TLN1: variants seen among roughly 807,000 people sequenced by gnomAD.
The protein encoded by TLN1 is talin-1.
A neutral mutation model predicts 292.3 loss-of-function variants in TLN1; 56 were observed. The observed-to-expected ratio is 0.19, with a 90% CI of 0.15 to 0.24. The LOEUF (loss-of-function observed/expected upper bound fraction) is 0.24. Ranked by LOEUF, TLN1 falls within the 10% of genes least tolerant of loss-of-function variation. The pLI is 1.00. For missense variants in TLN1, 2,433 were observed against 3,248.2 expected (o/e 0.75, Z 6.10); for synonymous variants, 1,119 against 1,253.7 (o/e 0.89, Z 2.27).
At position 35,698,080 on chromosome 9, in the gene TLN1, C is replaced by T; in HGVS notation, c.7464G>A (p.Val2488=). 6.2e-7 allele frequency: 1 copy of T among 1,614,158 alleles called. No individual in the cohort carries two copies. The highest frequency in any genetic ancestry group is 8.5e-7 in the Non-Finnish European group (1 of 1,180,032). Residue 2488 remains valine, a synonymous_variant, in exon 56 of 57, where the codon GTG becomes GTA. Coordinates refer to ENST00000314888, the MANE Select transcript of TLN1 (RefSeq NM_006289.4). The surrounding 1 kb of genome is among the most constrained non-coding windows in gnomAD (Gnocchi z 5.3). The part of the protein sequence containing the change: ...AAFEEQENET[V]VVKEKMVGGI... ...CGCCAACCATCTTCTCTTTCACCAC[C>T]ACTGTCTCATTCTCCTGCTCTTCAA...
rs1432439168 is a variant in TLN1 at position 35,721,693 on chromosome 9, G to C, written c.1059C>G (p.Leu353=). 1.2e-6 allele frequency: 2 copies of C among 1,614,010 alleles called. No homozygotes were observed. The highest frequency in any genetic ancestry group is 2.2e-5 in the East Asian group (1 of 44,900). ...ACGCAGCCCAGCGTTTGATGTTGGT[G>C]AGGTTCCACTCCTGGATCACTTCCT... ...KTKEVIQEWN[L]TNIKRWAASP... Residue 353 remains leucine, a synonymous_variant, in exon 10 of 57, where the codon CTC becomes CTG. Coordinates refer to ENST00000314888, the MANE Select transcript of TLN1 (RefSeq NM_006289.4).
At chr9:35,710,432 C>A (rs937695646) in intron 33 of TLN1, 129 bp downstream of exon 33, 3 of 1,352,484 alleles carry the variant, frequency 2.2e-6, no homozygotes, top group Non-Finnish European at 3.0e-6. Flanking sequence ...AGGAGGAGGA[C>A]AACCCAGATT....
At chr9:35,718,775 G>T in intron 17 of TLN1, 37 bp downstream of exon 17, 1 of 1,575,258 alleles carries the variant, frequency 6.3e-7, no homozygotes, top group Non-Finnish European at 8.7e-7. Context: ...TTACTTCCTA[G>T]ATTCTGGGGT....
Position 35,724,483 on chromosome 9 carries a change from G to A in TLN1, c.511+89C>T. On this transcript the variant is annotated intron_variant, in intron 5 of 56. Transcript: ENST00000314888. This position sits in a 1 kb window ranked among gnomAD's most constrained non-coding sequence, Gnocchi z 4.7. ...GTTTTCTCACTGATGTATCCCCAGG[G>A]TGTAAAACAGTGCCTGGCAGAAGCA... 1.3e-6 allele frequency: 2 copies of A among 1,566,948 alleles called. No individual in the cohort carries two copies. Among genetic ancestry groups the A allele is most frequent in the Middle Eastern group, 1.7e-4 (1 of 5,832 alleles).
Position 35,697,687 on chromosome 9 carries a change from G to C in TLN1, c.*104C>G. ...GCCCTGGGGTTTGGCAGGCACTTTG[G>C]GGAGTGCTGGGGTTGGGCAGGTTGG... On this transcript the variant is annotated 3_prime_UTR_variant, in exon 57 of 57. Coordinates refer to ENST00000314888, the MANE Select transcript of TLN1 (RefSeq NM_006289.4). The C allele has an allele frequency of 7.3e-6, 11 of 1,508,876 alleles. No homozygotes were observed. Among genetic ancestry groups the C allele is most frequent in the East Asian group, 2.3e-5 (1 of 44,190 alleles). The allele number at this position is 1,508,876 out of a possible 1,614,324, so 93.5% of individuals were successfully genotyped here.
Position 35,707,945 on chromosome 9 carries a change from C to T in TLN1, c.4471-53G>A. 6.3e-7 allele frequency: 1 copy of T among 1,590,008 alleles called. No individual in the cohort carries two copies. The highest frequency in any genetic ancestry group is 8.6e-7 in the Non-Finnish European group (1 of 1,163,512). Reference sequence around the variant, plus strand: ...TGAGGGCAGGAAGGAGGTGTACATACCCAAGGAGGAGCCATTTTAGGGTCA... The same window carrying T: ...TGAGGGCAGGAAGGAGGTGTACATATCCAAGGAGGAGCCATTTTAGGGTCA... On this transcript the variant is annotated intron_variant, in intron 34 of 56. Transcript: ENST00000314888. The surrounding 1 kb of genome is among the most constrained non-coding windows in gnomAD (Gnocchi z 5.6).
Position 35,699,905 on chromosome 9 carries a change from G to C in TLN1, c.6768+69C>G, listed in dbSNP as rs546429149. On this transcript the variant is annotated intron_variant, in intron 50 of 56. Coordinates refer to ENST00000314888, the MANE Select transcript of TLN1 (RefSeq NM_006289.4). The surrounding 1 kb of genome is among the most constrained non-coding windows in gnomAD (Gnocchi z 4.0). Reference sequence around the variant, plus strand: ...CTGAGCAAAACAGACAGCAGGGTGCGAGGCCTGCAGGAAGAGGGCTGTGTA... The same window carrying C: ...CTGAGCAAAACAGACAGCAGGGTGCCAGGCCTGCAGGAAGAGGGCTGTGTA... 4.7e-6 allele frequency: 7 copies of C among 1,479,290 alleles called. No homozygotes were observed. The highest frequency in any genetic ancestry group is 6.5e-6 in the Non-Finnish European group (7 of 1,079,894). 91.6% of individuals were successfully genotyped at this position (1,479,290 alleles called of 1,614,324 possible). A position where few individuals can be genotyped will look rare whatever the true frequency, so the allele number is the denominator to read the frequency against.
Position 35,700,246 on chromosome 9 carries a change from A to G in TLN1, c.6605T>C (p.Ile2202Thr). The change falls in exon 49 of 57, where the codon ATT becomes ACT. Residue 2202 changes from isoleucine (I) to threonine (T), a missense_variant. Physicochemically the swap from Ile to Thr is moderately conservative, Grantham distance 89. Around this residue, in one of 7 missense-constraint regions of TLN1, gnomAD observed 1,384 missense variants for 1,699.6 expected, o/e 0.81. Transcript: ENST00000314888. ...AGNSCRQEDV[I>T]ATANLSRRAI... Reference sequence around the variant, plus strand: ...ACGGCGGCTCAGATTGGCTGTGGCAATGACATCTTCCTGGCGACAGGAATT... The same window carrying G: ...ACGGCGGCTCAGATTGGCTGTGGCAGTGACATCTTCCTGGCGACAGGAATT... 6.8e-6 allele frequency: 11 copies of G among 1,613,152 alleles called. No homozygotes were observed. Among genetic ancestry groups the G allele is most frequent in the Non-Finnish European group, 9.3e-6 (11 of 1,179,160 alleles).
chr9:35,713,187 C>A lies in TLN1; in HGVS notation c.3352+9G>T, dbSNP rs565590092. 6.9e-6 allele frequency: 11 copies of A among 1,589,268 alleles called. No individual in the cohort carries two copies. Among genetic ancestry groups the A allele is most frequent in the Non-Finnish European group, 6.9e-6 (8 of 1,159,698 alleles). On this transcript the variant is annotated intron_variant, in intron 26 of 56. Transcript: ENST00000314888. ...AATATGCCCCATGCCTGGCTCTCTG[C>A]CCACATACCTGCATAATTCTCATTG... is the stretch of plus-strand genomic sequence containing the variant.
chr9:35,700,057 C>A lies in TLN1; in HGVS notation c.6685G>T (p.Ala2229Ser). Residue 2229 changes from alanine (A) to serine (S), a missense_variant, in exon 50 of 57, where the codon GCC (alanine) becomes TCC (serine). Around this residue, in one of 7 missense-constraint regions of TLN1, gnomAD observed 1,384 missense variants for 1,699.6 expected, o/e 0.81. Coordinates refer to ENST00000314888, the MANE Select transcript of TLN1 (RefSeq NM_006289.4). Reference protein sequence around the residue: ...CKEAAYHPEVAPDVRLRALHY... With the variant: ...CKEAAYHPEVSPDVRLRALHY... ...AGGGCTCGAAGCCGCACATCAGGGG[C>A]CACTTCTGGGTGGTAAGCTGCTTCC... 6.2e-7 allele frequency: 1 copy of A among 1,613,210 alleles called. No homozygotes were observed. Among genetic ancestry groups the A allele is most frequent in the Non-Finnish European group, 8.5e-7 (1 of 1,179,384 alleles).
intron 1 of TLN1, among the ~76,000 whole-genome samples, chr9:35,729,096 T>C (rs1218942978): frequency 6.6e-6 from 1 of 152,224 alleles, no homozygotes; most frequent in Non-Finnish European, 1.5e-5. Context: ...ATTGTATACA[T>C]AATTTCATTT....
At chr9:35,702,893 G>A (rs2131882774) in intron 48 of TLN1, among the ~76,000 whole-genome samples, 1 of 152,336 alleles carries the variant, frequency 6.6e-6, no homozygotes, top group South Asian at 2.1e-4. Context: ...GCCAAGAAGT[G>A]GCCACTGAAT....
At chr9:35,729,536 C>A (rs1437355640) in intron 1 of TLN1, among the ~76,000 whole-genome samples, 1 of 152,072 alleles carries the variant, frequency 6.6e-6, no homozygotes, top group Admixed American at 6.6e-5. Context: ...GAGACATAAC[C>A]GGAACTGGAT....
chr9:35,725,196 T>G, intron 3 of TLN1, 28 bp downstream of exon 3: 1 of 1,610,342 alleles, frequency 6.2e-7, no homozygotes, highest in Non-Finnish European at 8.5e-7. Flanking sequence ...GAAGGGGATG[T>G]GGTGGTCCTT....
In TLN1 at chr9:35,698,687, AAGG is replaced by A. The variant is rs1825411312; in HGVS notation, c.7126-11_7126-9del. ...GGCTGGAATGGCACCCACCTGTAGG[AAGG>A]AGAAGAGCCTACTTAGACCTGCATT... is the stretch of plus-strand genomic sequence containing the variant. On this transcript the variant is annotated splice_polypyrimidine_tract_variant and intron_variant, in intron 53 of 56. Transcript: ENST00000314888. This position sits in a 1 kb window ranked among gnomAD's most constrained non-coding sequence, Gnocchi z 5.3. 1.2e-6 allele frequency: 2 copies of A among 1,614,076 alleles called. No homozygotes were observed. The highest frequency in any genetic ancestry group is 1.3e-5 in the African/African-American group (1 of 75,026).
In TLN1 at chr9:35,707,292, C is replaced by T. The variant is rs777086888; in HGVS notation, c.4774-39G>A. 7.5e-6 allele frequency: 12 copies of T among 1,607,148 alleles called. No homozygotes were observed. In the Admixed American group the frequency reaches 2.0e-4, roughly 27 times the overall value. ...AGGCAGGAAGGTAAGTCTCAGGAGT[C>T]CCTGGAAGATGAGGTGATAAGCTGG... On this transcript the variant is annotated intron_variant, in intron 36 of 56. Transcript: ENST00000314888. The surrounding 1 kb of genome is among the most constrained non-coding windows in gnomAD (Gnocchi z 5.6).
chr9:35,700,470 A>G, intron 48 of TLN1, 94 bp from the exon 49 acceptor site: 1 of 1,310,126 alleles, frequency 7.6e-7, no homozygotes, highest in African/African-American at 1.5e-5. Context: ...GCAGACATTC[A>G]CACATCACAG....
At chr9:35,720,984 G>T in intron 10 of TLN1, 71 bp from the exon 11 acceptor site, 1 of 1,257,124 alleles carries the variant, frequency 8.0e-7, no homozygotes, top group South Asian at 1.2e-5. Flanking sequence ...TAGGATGGGA[G>T]GCCCAAGGTT....
At chr9:35,728,652 T>G (rs1042054422) in intron 1 of TLN1, among the ~76,000 whole-genome samples, 2 of 152,186 alleles carry the variant, frequency 1.3e-5, no homozygotes, top group Admixed American at 6.5e-5. Context: ...CTGCATTATC[T>G]TCTCCTAGGG....
Sources: allele counts gnomAD v4.1 joint callset (sites outside exome capture counted in the v4.1 genomes callset), GRCh38; gene constraint gnomAD v4.1.1; regional missense constraint gnomAD v4.1.1; non-coding constraint Gnocchi (gnomAD v3.1); transcripts MANE v1.5; gene names NCBI Gene and HGNC (gene_info 2026-07-23, HGNC 2026-07-21).